Variants in KCNAB1 observed in about 807,000 individuals in gnomAD.
KCNAB1 encodes the protein potassium voltage-gated channel subfamily A regulatory beta subunit 1.
In KCNAB1, 35 loss-of-function variants were observed where a neutral mutation model predicts 64.6. The ratio of observed to expected loss-of-function variants is 0.54; its 90% confidence interval spans 0.41 to 0.72. KCNAB1 has a LOEUF of 0.72. Among genes scored for constraint, KCNAB1 ranks in the 30% least tolerant of loss-of-function variants. KCNAB1 has a pLI of 0.00. For missense variants in KCNAB1, 401 were observed against 512.9 expected, an observed-to-expected ratio of 0.78 and a Z score of 2.11; for synonymous variants, 177 against 183.8, an observed-to-expected ratio of 0.96 and a Z score of 0.30.
Position 156,536,641 on chromosome 3 carries a change from T to C in KCNAB1, c.1171-17T>C, listed in dbSNP as rs1719075214. On this transcript the variant is annotated splice_polypyrimidine_tract_variant and intron_variant, in intron 13 of 13. Transcript: ENST00000490337. The stretch of plus-strand genomic sequence containing the variant: ...CACTGCTAACAATATCCTTTGTACT[T>C]CTCCTCCTGCTCTCAGGTTCTCCCA... The C allele has an allele frequency of 6.4e-7, 1 of 1,554,284 alleles. No individual in the cohort carries two copies. Among genetic ancestry groups the C allele is most frequent in the South Asian group, 1.1e-5 (1 of 89,874 alleles).
At chr3:156,381,932 A>G (rs891353351) in intron 1 of KCNAB1, among the ~76,000 whole-genome samples, 2 of 152,220 alleles carry the variant, frequency 1.3e-5, no homozygotes, top group Non-Finnish European at 2.9e-5. Context: ...GCAAAGAAAA[A>G]GATGAAATGC....
At chr3:156,431,597 C>T (rs1478282538) in intron 2 of KCNAB1, among the ~76,000 whole-genome samples, 2 of 152,180 alleles carry the variant, frequency 1.3e-5, no homozygotes, top group African/African-American at 2.4e-5. Context: ...GCCTTAAGGG[C>T]CTCAGCTGAA....
intron 1 of KCNAB1, among the ~76,000 whole-genome samples, chr3:156,181,187 A>G (rs1212544016): frequency 6.6e-6 from 1 of 152,222 alleles, no homozygotes; most frequent in East Asian, 1.9e-4. Flanking sequence ...ACATTCTGAC[A>G]TACTGAGGAT....
intron 1 of KCNAB1, among the ~76,000 whole-genome samples, chr3:156,383,307 G>C (rs747877610): frequency 6.6e-6 from 1 of 152,166 alleles, no homozygotes; most frequent in African/African-American, 2.4e-5. Context: ...AACATTTCCT[G>C]CCACTAGAAT....
intron 1 of KCNAB1, among the ~76,000 whole-genome samples, chr3:156,199,673 A>C (rs1469607634): frequency 6.6e-6 from 1 of 152,148 alleles, no homozygotes; most frequent in Non-Finnish European, 1.5e-5. Flanking sequence ...CCATCAGGTC[A>C]TTTATGTTCT....
At chr3:156,294,719 G>A (rs1446747882) in intron 1 of KCNAB1, among the ~76,000 whole-genome samples, 2 of 152,180 alleles carry the variant, frequency 1.3e-5, no homozygotes, top group African/African-American at 2.4e-5. Flanking sequence ...AAAGTTAGTA[G>A]TAGCTAATTG....
chr3:156,156,462 A>T (rs1221494952), intron 1 of KCNAB1, among the ~76,000 whole-genome samples: 1 of 152,240 alleles, frequency 6.6e-6, no homozygotes, highest in Non-Finnish European at 1.5e-5. Flanking sequence ...TTAAGAAGTT[A>T]CCATAATTGC....
chr3:156,228,518 C>T (rs1253750467), intron 1 of KCNAB1, among the ~76,000 whole-genome samples: 1 of 152,232 alleles, frequency 6.6e-6, no homozygotes, highest in East Asian at 1.9e-4. Flanking sequence ...TTTCTTCCTT[C>T]TCACTAGCCT....
chr3:156,162,379 G>A (rs553889994), intron 1 of KCNAB1, among the ~76,000 whole-genome samples: 3 of 152,156 alleles, frequency 2.0e-5, no homozygotes, highest in East Asian at 1.9e-4. Flanking sequence ...CACCTGCTAC[G>A]TGGAAGATAT....
chr3:156,522,239 C>T (rs989252784), intron 11 of KCNAB1, among the ~76,000 whole-genome samples: 2 of 151,716 alleles, frequency 1.3e-5, no homozygotes, highest in African/African-American at 4.8e-5. Context: ...CTTTGTTAGT[C>T]GGTTTGAATA....
chr3:156,281,389 G>A (rs1446282696), intron 1 of KCNAB1, among the ~76,000 whole-genome samples: 23 of 151,044 alleles, frequency 1.5e-4, no homozygotes, highest in African/African-American at 5.6e-4. Context: ...GAGGATTTTT[G>A]CATCAATGTT....
At chr3:156,465,621 A>G in intron 6 of KCNAB1, 22 bp from the exon 7 acceptor site, 1 of 1,608,718 alleles carries the variant, frequency 6.2e-7, no homozygotes, top group Non-Finnish European at 8.5e-7. Context: ...ATTCAAAGTT[A>G]TTTGCTTCTT....
chr3:156,224,963 C>T (rs553559096), intron 1 of KCNAB1, among the ~76,000 whole-genome samples: 60 of 152,184 alleles, frequency 3.9e-4, no homozygotes, highest in African/African-American at 1.4e-3. Context: ...AGGACCAGAC[C>T]GATTCACAGC....
At chr3:156,390,560 CCCTCTCTCCTTCCTTCCTT>C (rs1559861204) in intron 1 of KCNAB1, among the ~76,000 whole-genome samples, 1 of 151,760 alleles carries the variant, frequency 6.6e-6, no homozygotes, top group Non-Finnish European at 1.5e-5. Context: ...TTCCCTCCCT[CCCTCTCTCCTTCCTTCCTT>C]CCTCTCTCTT....
At chr3:156,168,430 A>T (rs1215991094) in intron 1 of KCNAB1, among the ~76,000 whole-genome samples, 1 of 152,218 alleles carries the variant, frequency 6.6e-6, no homozygotes, top group Non-Finnish European at 1.5e-5. Context: ...TGTAGGAAGC[A>T]TTCCAGTTTA....
chr3:156,407,295 G>T (rs1231253938), intron 1 of KCNAB1, among the ~76,000 whole-genome samples: 1 of 152,104 alleles, frequency 6.6e-6, no homozygotes, highest in Non-Finnish European at 1.5e-5. Context: ...TATTTCCAAG[G>T]CTGGTTCTGT....
chr3:156,280,455 T>C (rs1294527767), intron 1 of KCNAB1, among the ~76,000 whole-genome samples: 1 of 151,242 alleles, frequency 6.6e-6, no homozygotes, highest in Non-Finnish European at 1.5e-5. Context: ...ATGCGGGCTC[T>C]TTTTTGGTTC....
chr3:156,329,124 A>T (rs994080032), intron 1 of KCNAB1, among the ~76,000 whole-genome samples: 1 of 152,140 alleles, frequency 6.6e-6, no homozygotes. Context: ...GAGATCTCTA[A>T]TATCTTCAGG....
At chr3:156,198,913 ATTT>A (rs71138701) in intron 1 of KCNAB1, among the ~76,000 whole-genome samples, 4 of 21,288 alleles carry the variant, frequency 1.9e-4, no homozygotes, top group Non-Finnish European at 2.7e-4. Context: ...TTATATTTTG[ATTT>A]TTTTTTTTTT....
Sources: gnomAD v4.1 joint callset for allele counts (sites outside exome capture counted in the v4.1 genomes callset) on GRCh38, gnomAD v4.1.1 for gene constraint, MANE v1.5 for transcripts, NCBI Gene and HGNC (gene_info 2026-07-23, HGNC 2026-07-21) for gene names.